Variants in C1orf141 observed in about 807,000 individuals in gnomAD.
C1orf141 encodes uncharacterized protein C1orf141.
In C1orf141, 19 loss-of-function variants were observed where a neutral mutation model predicts 23.2. The observed-to-expected ratio is 0.82, with a 90% CI of 0.57 to 1.20. C1orf141 has a LOEUF of 1.20. Among genes scored for constraint, C1orf141 ranks in the 50% most tolerant of loss-of-function variants. The pLI, the probability that C1orf141 is intolerant of heterozygous loss-of-function variation, is 0.00. For synonymous variants in C1orf141, 153 were observed against 154.6 expected, an observed-to-expected ratio of 0.99 and a Z score of 0.08; for missense variants, 469 against 455.1, an observed-to-expected ratio of 1.03 and a Z score of -0.28.
At chr1:67,139,187 G>T (rs924832862), upstream of C1orf141, 26 of 152,136 alleles carry the variant, frequency 1.7e-4, no homozygotes, top group Admixed American at 1.5e-3. Flanking sequence ...GTATAAACCA[G>T]TCTGATTTAT....
rs1645588725 is a variant in C1orf141 at position 67,093,136 on chromosome 1, T to G, written c.1072A>C (p.Ser358Arg). The change falls in exon 8 of 8, where the codon AGC becomes CGC. Residue 358 changes from serine to arginine, a missense_variant. Ser to Arg is a moderately radical substitution (Grantham distance 110). Transcript: ENST00000684719. ...GGTAAGGCACTGGATGTGGGTATGC[T>G]CGTTGGTTTTCCTGCAGAAAACATT... ...ERMFSAGKPT[S>R]IPTSSALPVK... 1.9e-6 allele frequency: 3 copies of G among 1,613,848 alleles called. No individual in the cohort carries two copies. The highest frequency in any genetic ancestry group is 1.7e-5 in the Admixed American group (1 of 59,996).
intron 5 of C1orf141, among the ~76,000 whole-genome samples, chr1:67,111,108 T>C (rs1646060789): frequency 1.3e-5 from 2 of 151,996 alleles, no homozygotes; most frequent in Admixed American, 1.3e-4. Context: ...TCTGCTGAAG[T>C]GATTATCAAG....
At chr1:67,117,917 T>C (rs1558199037) in intron 4 of C1orf141, among the ~76,000 whole-genome samples, 1 of 152,202 alleles carries the variant, frequency 6.6e-6, no homozygotes, top group East Asian at 1.9e-4. Flanking sequence ...TTGAATACTC[T>C]GAATCTCAGT....
chr1:67,102,335 T>C (rs1645821600), intron 5 of C1orf141, among the ~76,000 whole-genome samples: 2 of 151,638 alleles, frequency 1.3e-5, no homozygotes. Flanking sequence ...TGTGTGTGTG[T>C]GTGTGTGTGT....
intron 5 of C1orf141, among the ~76,000 whole-genome samples, chr1:67,105,325 C>CAAA (rs3052331): frequency 3.2e-5 from 3 of 92,352 alleles, no homozygotes; most frequent in Non-Finnish European, 6.7e-5. Flanking sequence ...GACTATTTCT[C>CAAA]AAAAAAAAAA....
chr1:67,139,352 G>A (rs930161865), upstream of C1orf141, among the ~76,000 whole-genome samples: 1 of 152,170 alleles, frequency 6.6e-6, no homozygotes, highest in African/African-American at 2.4e-5. Context: ...GCCAAGCACA[G>A]TGCCTAGCAA....
At chr1:67,112,676 G>A (rs1339532541) in intron 5 of C1orf141, among the ~76,000 whole-genome samples, 1 of 152,108 alleles carries the variant, frequency 6.6e-6, no homozygotes, top group Non-Finnish European at 1.5e-5. Flanking sequence ...ATTCCAGCCT[G>A]GGCAACAGAG....
chr1:67,132,964 A>T (rs1351128464), intron 1 of C1orf141, among the ~76,000 whole-genome samples: 1 of 152,210 alleles, frequency 6.6e-6, no homozygotes, highest in Non-Finnish European at 1.5e-5. Context: ...TGAATTCCCA[A>T]TTACTCTCAC....
chr1:67,136,812 A>C (rs1397987194), upstream of C1orf141, among the ~76,000 whole-genome samples: 1 of 152,218 alleles, frequency 6.6e-6, no homozygotes, highest in South Asian at 2.1e-4. Flanking sequence ...ACAATTATTA[A>C]TATAACACAA....
chr1:67,134,896 A>T (rs892451007), intron 1 of C1orf141, 34 bp downstream of exon 1: 1 of 152,314 alleles, frequency 6.6e-6, no homozygotes, highest in African/African-American at 2.4e-5. Context: ...TTTGATTTTC[A>T]ACTCTTCCAA....
At chr1:67,100,964 G>A (rs908375276) in intron 5 of C1orf141, among the ~76,000 whole-genome samples, 1 of 152,094 alleles carries the variant, frequency 6.6e-6, no homozygotes, top group Non-Finnish European at 1.5e-5. Context: ...GGTGGTGGTG[G>A]TGGCGGTGAG....
intron 4 of C1orf141, among the ~76,000 whole-genome samples, chr1:67,120,810 A>G (rs78888276): frequency 5.8e-5 from 1 of 17,236 alleles, no homozygotes; most frequent in Non-Finnish European, 2.1e-4. Context: ...TGACTAATAT[A>G]GGGGGTCAAA....
At chr1:67,136,376 C>A (rs2102516828), upstream of C1orf141, among the ~76,000 whole-genome samples, 1 of 152,136 alleles carries the variant, frequency 6.6e-6, no homozygotes, top group South Asian at 2.1e-4. Context: ...TTTTTTAAGC[C>A]ATATACATTC....
Position 67,127,199 on chromosome 1 carries a change from C to T in C1orf141, c.42G>A (p.Lys14=). 6.2e-7 allele frequency: 1 copy of T among 1,609,980 alleles called. No individual in the cohort carries two copies. Among genetic ancestry groups the T allele is most frequent in the Non-Finnish European group, 8.5e-7 (1 of 1,178,602 alleles). Residue 14 remains lysine, a synonymous_variant, in exon 3 of 8, where the codon AAG becomes AAA. Transcript: ENST00000684719. ...TTCTGGCCAAGATTATCTCTGCTTG[C>T]TTATCAAGGACATCCAACTTCTCTA... is the stretch of plus-strand genomic sequence containing the variant. ...KILEKLDVLD[K]QAEIILARRT... is the part of the protein sequence containing the mutation.
chr1:67,112,947 G>T (rs1646108388), intron 5 of C1orf141, among the ~76,000 whole-genome samples: 1 of 152,180 alleles, frequency 6.6e-6, no homozygotes, highest in South Asian at 2.1e-4. Context: ...AGGCAATCTG[G>T]TAGTTGTACT....
intron 4 of C1orf141, chr1:67,123,455 G>A (rs1319328890): frequency 6.6e-6 from 1 of 152,062 alleles, no homozygotes; most frequent in African/African-American, 2.4e-5. Context: ...TTTGTCTCTT[G>A]TCATATTTTT....
At chr1:67,136,948 A>C (rs1406033787), upstream of C1orf141, among the ~76,000 whole-genome samples, 1 of 152,224 alleles carries the variant, frequency 6.6e-6, no homozygotes, top group Non-Finnish European at 1.5e-5. Context: ...GAATGAGTTC[A>C]TGAACCTATT....
At chr1:67,104,416 C>T (rs928805076) in intron 5 of C1orf141, among the ~76,000 whole-genome samples, 30 of 151,706 alleles carry the variant, frequency 2.0e-4, no homozygotes, top group African/African-American at 6.1e-4. Flanking sequence ...GGTAAGAAGA[C>T]GAGTTGTGAG....
chr1:67,120,915 G>A (rs1047367537), intron 4 of C1orf141, among the ~76,000 whole-genome samples: 1 of 152,196 alleles, frequency 6.6e-6, no homozygotes, highest in Non-Finnish European at 1.5e-5. Context: ...AGAAGAAATT[G>A]TGGAGTATAT....
Sources: allele counts gnomAD v4.1 joint callset (sites outside exome capture counted in the v4.1 genomes callset), GRCh38; gene constraint gnomAD v4.1.1; transcripts MANE v1.5; gene names NCBI Gene and HGNC (gene_info 2026-07-23, HGNC 2026-07-21).